LGR5: variants seen among roughly 807,000 people sequenced by gnomAD.
LGR5 encodes the protein leucine rich repeat containing G protein-coupled receptor 5.
A neutral mutation model predicts 76.7 loss-of-function variants in LGR5; 54 were observed. That is an observed-to-expected ratio of 0.70 (90% confidence interval 0.57 to 0.88). The LOEUF (loss-of-function observed/expected upper bound fraction) is 0.88. Ranked by LOEUF, LGR5 falls within the 40% of genes least tolerant of loss-of-function variation. The pLI, the probability that LGR5 is intolerant of heterozygous loss-of-function variation, is 0.00. For missense variants in LGR5, 1,078 were observed against 1,073.3 expected, an observed-to-expected ratio of 1.00 and a Z score of -0.06; for synonymous variants, 406 against 421.9, an observed-to-expected ratio of 0.96 and a Z score of 0.46.
At chr12:71,507,985 C>T (rs995851600) in intron 2 of LGR5, among the ~76,000 whole-genome samples, 11 of 151,818 alleles carry the variant, frequency 7.2e-5, no homozygotes, top group Admixed American at 1.3e-4. Flanking sequence ...CTTTCGGAGG[C>T]CAAGGCGGGC....
chr12:71,574,636 G>C (rs1878770446), intron 13 of LGR5, among the ~76,000 whole-genome samples: 1 of 152,034 alleles, frequency 6.6e-6, no homozygotes, highest in African/African-American at 2.4e-5. Flanking sequence ...TTCAAGATCA[G>C]ACCAAACTTC....
intron 4 of LGR5, among the ~76,000 whole-genome samples, chr12:71,536,448 AGGG>A (rs1876590369): frequency 1.3e-5 from 2 of 152,174 alleles, no homozygotes; most frequent in Non-Finnish European, 2.9e-5. Flanking sequence ...CAAGCCCACA[AGGG>A]CCCCTTTGTG....
At position 71,517,236 on chromosome 12, in the gene LGR5, C is replaced by T. The variant is rs187165310; in HGVS notation, c.285-7170C>T. Reference sequence around the variant, plus strand: ...TAAAGAAATAAAAGGGGAATGATTTCCTTAAATTGTTGTTTTTGTCAATGA... The same window carrying T: ...TAAAGAAATAAAAGGGGAATGATTTTCTTAAATTGTTGTTTTTGTCAATGA... On this transcript the variant is annotated intron_variant, in intron 2 of 17. Coordinates refer to ENST00000266674, the MANE Select transcript of LGR5 (RefSeq NM_003667.4). Among the ~76,000 whole-genome samples the T allele has an allele frequency of 3.9e-3, 592 of 152,290 alleles. 2 individuals are homozygous for T. Among genetic ancestry groups the T allele is most frequent in the Non-Finnish European group, 6.4e-3 (437 of 68,032 alleles).
intron 13 of LGR5, 34 bp downstream of exon 13, chr12:71,572,955 A>G: frequency 6.5e-7 from 1 of 1,527,100 alleles, no homozygotes; most frequent in Non-Finnish European, 9.1e-7. Context: ...TCCCCAGCAC[A>G]GAGCATTTTC....
At chr12:71,558,419 C>T (rs897054418) in intron 6 of LGR5, among the ~76,000 whole-genome samples, 3 of 152,138 alleles carry the variant, frequency 2.0e-5, no homozygotes, top group African/African-American at 7.2e-5. Flanking sequence ...CTCTACCTTG[C>T]CCAGGGCTAC....
At chr12:71,449,160 C>G (rs1242311425) in intron 1 of LGR5, among the ~76,000 whole-genome samples, 2 of 152,166 alleles carry the variant, frequency 1.3e-5, no homozygotes, top group African/African-American at 2.4e-5. Context: ...TGAAAGGATG[C>G]CTTTTCCTTA....
chr12:71,458,035 T>TC (rs1872554317), intron 1 of LGR5, among the ~76,000 whole-genome samples: 1 of 152,150 alleles, frequency 6.6e-6, no homozygotes, highest in Non-Finnish European at 1.5e-5. Flanking sequence ...CTTGTTTTTT[T>TC]CTAAGCTCCC....
In LGR5 at chr12:71,566,928, G is replaced by A; in HGVS notation, c.1070+16G>A. On this transcript the variant is annotated intron_variant, in intron 11 of 17. Transcript: ENST00000266674. ...TCCAAGTGCTGTGCGTATCAGTAAG[G>A]CAATAATGTTGTGTAAACAGGCAAC... 1 of 1,594,412 alleles carries A rather than the reference G, an allele frequency of 6.3e-7. No individual in the cohort carries two copies. Among genetic ancestry groups the A allele is most frequent in the Non-Finnish European group, 8.6e-7 (1 of 1,162,118 alleles).
intron 6 of LGR5, among the ~76,000 whole-genome samples, chr12:71,557,837 A>G (rs1877852305): frequency 6.6e-6 from 1 of 152,220 alleles, no homozygotes; most frequent in African/African-American, 2.4e-5. Context: ...AATAAACCAC[A>G]CAGGTCACTG....
chr12:71,499,082 T>C (rs1874473207), intron 1 of LGR5, among the ~76,000 whole-genome samples: 1 of 152,176 alleles, frequency 6.6e-6, no homozygotes, highest in South Asian at 2.1e-4. Flanking sequence ...CTCAGTATCC[T>C]GGGATAATAA....
intron 14 of LGR5, 69 bp from the exon 15 acceptor site, chr12:71,578,735 T>C: frequency 3.6e-6 from 5 of 1,408,304 alleles, no homozygotes; most frequent in East Asian, 2.4e-5. Flanking sequence ...TTTAGGTTGT[T>C]GTTTTTTTTA....
rs769847782 is a variant in LGR5 at position 71,561,783 on chromosome 12, G to C, written c.788G>C (p.Gly263Ala). 1.9e-6 allele frequency: 3 copies of C among 1,594,068 alleles called. No homozygotes were observed. Among genetic ancestry groups the C allele is most frequent in the Non-Finnish European group, 2.6e-6 (3 of 1,166,832 alleles). Residue 263 changes from glycine (G) to alanine (A), a missense_variant and splice_region_variant, in exon 8 of 18, where the codon GGA becomes GCA. Transcript: ENST00000266674. ...IRTLSNLKELGFHSNNIRSIP... is the reference protein window; with the variant it reads ...IRTLSNLKELAFHSNNIRSIP... Reference sequence around the variant, plus strand: ...TATAATTTTTTTTCTCTTTCTAGAGGATTTCATAGCAACAATATCAGGTCG... The same window carrying C: ...TATAATTTTTTTTCTCTTTCTAGAGCATTTCATAGCAACAATATCAGGTCG...
intron 3 of LGR5, among the ~76,000 whole-genome samples, chr12:71,531,815 C>T (rs1167031012): frequency 6.6e-6 from 1 of 152,152 alleles, no homozygotes; most frequent in East Asian, 1.9e-4. Flanking sequence ...TTGCAGTGAG[C>T]CGAGATCGCA....
At chr12:71,531,448 T>C (rs774153567) in intron 3 of LGR5, among the ~76,000 whole-genome samples, 3 of 152,254 alleles carry the variant, frequency 2.0e-5, no homozygotes, top group Non-Finnish European at 4.4e-5. Context: ...TAAACAAAAG[T>C]TCCTTATTTA....
intron 1 of LGR5, among the ~76,000 whole-genome samples, chr12:71,463,535 G>A (rs889357271): frequency 1.3e-5 from 2 of 152,114 alleles, no homozygotes; most frequent in African/African-American, 2.4e-5. Flanking sequence ...AAATGAGACT[G>A]GTTCTACAAA....
At chr12:71,563,492 A>C (rs1416003050) in intron 8 of LGR5, among the ~76,000 whole-genome samples, 1 of 152,132 alleles carries the variant, frequency 6.6e-6, no homozygotes, top group African/African-American at 2.4e-5. Flanking sequence ...GTCTATTTAC[A>C]CTAAATGCAA....
chr12:71,525,148 C>T (rs1048033732), intron 3 of LGR5, among the ~76,000 whole-genome samples: 7 of 151,924 alleles, frequency 4.6e-5, no homozygotes, highest in African/African-American at 1.7e-4. Flanking sequence ...GTAGATAAAA[C>T]AGATAATGCA....
At chr12:71,517,078 G>A (rs1035431607) in intron 2 of LGR5, among the ~76,000 whole-genome samples, 2 of 151,142 alleles carry the variant, frequency 1.3e-5, no homozygotes, top group Admixed American at 6.6e-5. Context: ...GCAAACTGTT[G>A]TAGTTCAAAT....
intron 11 of LGR5, among the ~76,000 whole-genome samples, chr12:71,569,610 A>G (rs1357478459): frequency 6.6e-6 from 1 of 152,270 alleles, no homozygotes; most frequent in Non-Finnish European, 1.5e-5. Flanking sequence ...ACAATGAGAT[A>G]CCATCTCACA....
Sources: gnomAD v4.1 joint callset for allele counts (sites outside exome capture counted in the v4.1 genomes callset) on GRCh38, gnomAD v4.1.1 for gene constraint, MANE v1.5 for transcripts, NCBI Gene and HGNC (gene_info 2026-07-23, HGNC 2026-07-21) for gene names.